CSMD1: variants seen among roughly 807,000 people sequenced by gnomAD.
The protein encoded by CSMD1 is CUB and Sushi multiple domains 1.
CSMD1 carries 213 observed loss-of-function variants against 417.5 expected under a neutral mutation model. That is an observed-to-expected ratio of 0.51 (90% CI 0.46 to 0.57). The LOEUF is 0.57. Among genes scored for constraint, CSMD1 ranks in the 20% least tolerant of loss-of-function variants. The pLI is 0.00. For missense variants in CSMD1, 6,923 were observed against 4,529.7 expected, an observed-to-expected ratio of 1.53 and a Z score of -15.17; for synonymous variants, 2,862 against 1,736.8, an observed-to-expected ratio of 1.65 and a Z score of -16.11.
intron 12 of CSMD1, among the ~76,000 whole-genome samples, chr8:3,438,785 T>C (rs898015621): frequency 3.8e-4 from 58 of 152,092 alleles, no homozygotes; most frequent in African/African-American, 1.4e-3. Context: ...GGAAGTGCAA[T>C]TGTCGGGTCA....
At chr8:4,264,745 A>G (rs889741582) in intron 3 of CSMD1, among the ~76,000 whole-genome samples, 6 of 152,156 alleles carry the variant, frequency 3.9e-5, no homozygotes, top group Admixed American at 3.3e-4. Context: ...GAACATCCTC[A>G]GTAACATCTA....
intron 3 of CSMD1, among the ~76,000 whole-genome samples, chr8:4,285,612 G>C (rs1326045422): frequency 6.6e-6 from 1 of 152,196 alleles, no homozygotes. Flanking sequence ...TTGATTTCCT[G>C]AGCATTGCCC....
At chr8:2,976,644 T>C (rs780040056) in intron 55 of CSMD1, among the ~76,000 whole-genome samples, 1 of 152,234 alleles carries the variant, frequency 6.6e-6, no homozygotes, top group Non-Finnish European at 1.5e-5. Context: ...TCACGGCACC[T>C]GGCCTCCACT....
chr8:4,419,923 T>C (rs1474874257), intron 3 of CSMD1, 30 bp downstream of exon 3: 3 of 1,349,256 alleles, frequency 2.2e-6, no homozygotes, highest in East Asian at 2.5e-5. Flanking sequence ...GGACAGTGAA[T>C]GCATGTGCAA....
At chr8:4,268,442 A>G (rs982754249) in intron 3 of CSMD1, among the ~76,000 whole-genome samples, 12 of 152,194 alleles carry the variant, frequency 7.9e-5, no homozygotes, top group Admixed American at 6.5e-5. Context: ...AGCTCACAGC[A>G]AGTCTGAGGT....
chr8:4,675,488 G>C (rs558166280), intron 1 of CSMD1, among the ~76,000 whole-genome samples: 1 of 152,118 alleles, frequency 6.6e-6, no homozygotes, highest in Admixed American at 6.6e-5. Flanking sequence ...CGGATAACAA[G>C]TCATAAATCA....
chr8:4,405,997 G>C (rs189169969), intron 3 of CSMD1, among the ~76,000 whole-genome samples: 16 of 152,306 alleles, frequency 1.1e-4, no homozygotes, highest in Admixed American at 3.9e-4. Context: ...GCTGTGACGA[G>C]TGAGAGGGCA....
At chr8:3,495,231 A>G (rs1047174823) in intron 10 of CSMD1, among the ~76,000 whole-genome samples, 2 of 152,230 alleles carry the variant, frequency 1.3e-5, no homozygotes, top group African/African-American at 4.8e-5. Flanking sequence ...GAACCAATTT[A>G]TAAGTGACCA....
At chr8:4,453,397 G>C (rs1020562131) in intron 2 of CSMD1, among the ~76,000 whole-genome samples, 1 of 152,190 alleles carries the variant, frequency 6.6e-6, no homozygotes, top group Non-Finnish European at 1.5e-5. Context: ...TGGTGCTGAA[G>C]TCAGGAGATT....
chr8:4,749,627 G>A (rs1015201286), intron 1 of CSMD1, among the ~76,000 whole-genome samples: 21 of 152,210 alleles, frequency 1.4e-4, no homozygotes, highest in Admixed American at 9.8e-4. Context: ...ATGTACCAGC[G>A]TCAAAAGTTT....
At chr8:4,762,497 T>C (rs1812177466) in intron 1 of CSMD1, among the ~76,000 whole-genome samples, 1 of 152,146 alleles carries the variant, frequency 6.6e-6, no homozygotes, top group Non-Finnish European at 1.5e-5. Context: ...ATATCAAATT[T>C]ACATAGGTAA....
intron 10 of CSMD1, among the ~76,000 whole-genome samples, chr8:3,519,310 A>C (rs1486127757): frequency 1.3e-5 from 2 of 152,178 alleles, no homozygotes; most frequent in African/African-American, 4.8e-5. Flanking sequence ...AACAGCTTCT[A>C]CTGTTAGCTC....
intron 2 of CSMD1, among the ~76,000 whole-genome samples, chr8:4,516,168 C>T (rs1379720694): frequency 6.6e-6 from 1 of 151,990 alleles, no homozygotes; most frequent in East Asian, 1.9e-4. Context: ...TCCAATATGA[C>T]TGGTGCCTCC....
intron 2 of CSMD1, among the ~76,000 whole-genome samples, chr8:4,455,301 C>A (rs1373405721): frequency 1.3e-5 from 2 of 152,134 alleles, no homozygotes; most frequent in African/African-American, 4.8e-5. Context: ...ATTCTTGCAT[C>A]CATTAGCAAA....
chr8:3,032,706 C>A (rs975047008), intron 50 of CSMD1, among the ~76,000 whole-genome samples: 1 of 152,034 alleles, frequency 6.6e-6, no homozygotes, highest in Non-Finnish European at 1.5e-5. Flanking sequence ...CATACACTCT[C>A]ACAAAGGTGT....
intron 3 of CSMD1, among the ~76,000 whole-genome samples, chr8:4,085,115 A>G (rs551016454): frequency 3.9e-5 from 6 of 152,280 alleles, no homozygotes; most frequent in African/African-American, 1.4e-4. Context: ...AACCAGTTGG[A>G]CAACCCTGAG....
At position 4,994,420 on chromosome 8, in the gene CSMD1, T is replaced by G. The variant is rs1811646918; in HGVS notation, c.-4A>C. On this transcript the variant is annotated 5_prime_UTR_variant, in exon 1 of 70. Transcript: ENST00000635120. ...GGAATCTCCTCCACGCAGTCATGTC[T>G]GCAGATACTCCACACGCACGCGACA... 6.2e-7 allele frequency: 1 copy of G among 1,611,042 alleles called. No homozygotes were observed. The highest frequency in any genetic ancestry group is 1.1e-5 in the South Asian group (1 of 91,066).
intron 3 of CSMD1, among the ~76,000 whole-genome samples, chr8:4,203,286 G>C (rs1799773542): frequency 6.6e-6 from 1 of 152,128 alleles, no homozygotes; most frequent in South Asian, 2.1e-4. Context: ...CTTCAGAAAA[G>C]AACACAGGCC....
intron 5 of CSMD1, among the ~76,000 whole-genome samples, chr8:3,824,851 G>T (rs1052494258): frequency 4.6e-5 from 7 of 152,014 alleles, no homozygotes; most frequent in African/African-American, 1.7e-4. Flanking sequence ...ATGACACAGG[G>T]TTTCAATTAA....
Sources: gnomAD v4.1 joint callset for allele counts (sites outside exome capture counted in the v4.1 genomes callset) on GRCh38, gnomAD v4.1.1 for gene constraint, MANE v1.5 for transcripts, NCBI Gene and HGNC (gene_info 2026-07-23, HGNC 2026-07-21) for gene names.